Variants in IL1RAPL1 observed in about 807,000 individuals in gnomAD.
IL1RAPL1 encodes interleukin 1 receptor accessory protein like 1.
In IL1RAPL1, 3 loss-of-function variants were observed where a neutral mutation model predicts 48.4. That is an observed-to-expected ratio of 0.06 (90% CI 0.03 to 0.16). IL1RAPL1 has a LOEUF of 0.16. Among genes scored for constraint, IL1RAPL1 ranks in the 10% least tolerant of loss-of-function variants. IL1RAPL1 has a pLI of 1.00. For missense variants in IL1RAPL1, 349 were observed against 530.6 expected (o/e 0.66, Z 3.36); for synonymous variants, 185 against 187.7 (o/e 0.99, Z 0.12).
Position 28,972,455 on chromosome X carries a change from T to A in IL1RAPL1, c.82+183030T>A, listed in dbSNP as rs370123737. On this transcript the variant is annotated intron_variant, in intron 2 of 10. Coordinates refer to ENST00000378993, the MANE Select transcript of IL1RAPL1 (RefSeq NM_014271.4). ...GAACTAAAATTCAAAACATGTGCTG[T>A]GGGTCGGGCGCGGTGGCTCACGCCT... 8.9e-5 allele frequency among the ~76,000 whole-genome samples: 10 copies of A among 111,815 alleles called. No homozygotes were observed. In the East Asian group the frequency reaches 1.7e-3, roughly 19 times the overall value.
At chrX:28,783,305 G>A (rs1011982050) in intron 1 of IL1RAPL1, among the ~76,000 whole-genome samples, 6 of 112,004 alleles carry the variant, frequency 5.4e-5, no homozygotes, top group Non-Finnish European at 7.5e-5. Context: ...GCTGCGTATA[G>A]TATTCTTCAT....
intron 6 of IL1RAPL1, among the ~76,000 whole-genome samples, chrX:29,741,820 G>A (rs976339734): frequency 1.5e-4 from 16 of 106,408 alleles, no homozygotes; most frequent in African/African-American, 5.5e-4. Context: ...AGCTACTTGG[G>A]AGGCTGAGGC....
intron 2 of IL1RAPL1, among the ~76,000 whole-genome samples, chrX:28,961,176 T>C (rs191614944): frequency 9.0e-6 from 1 of 110,546 alleles, no homozygotes. Context: ...ATACAGAAAG[T>C]ACTTCTTGTA....
intron 3 of IL1RAPL1, among the ~76,000 whole-genome samples, chrX:29,324,464 G>T (rs759770530): frequency 7.2e-5 from 8 of 111,612 alleles, no homozygotes; most frequent in South Asian, 7.6e-4. Context: ...AGCAAGGCCT[G>T]TCTGTCCAGA....
intron 3 of IL1RAPL1, among the ~76,000 whole-genome samples, chrX:29,316,310 G>C (rs1363391726): frequency 4.5e-5 from 5 of 112,007 alleles, no homozygotes; most frequent in Non-Finnish European, 7.5e-5. Context: ...GAACATTTTA[G>C]GCAAAAGTGG....
chrX:29,748,367 A>G (rs1179083272), intron 6 of IL1RAPL1, among the ~76,000 whole-genome samples: 2 of 112,524 alleles, frequency 1.8e-5, no homozygotes, highest in Admixed American at 9.4e-5. Context: ...ACTCTAAGCC[A>G]ATAAAATGTA....
At chrX:29,613,712 CGT>C (rs753582133) in intron 5 of IL1RAPL1, among the ~76,000 whole-genome samples, 7,576 of 58,637 alleles carry the variant, frequency 0.13, 424 homozygotes, top group African/African-American at 0.18. Context: ...GGGTTTTTTT[CGT>C]GTGTGTGTGT....
At chrX:29,572,835 T>A (rs1382134078) in intron 5 of IL1RAPL1, among the ~76,000 whole-genome samples, 1 of 112,541 alleles carries the variant, frequency 8.9e-6, no homozygotes, top group African/African-American at 3.2e-5. Flanking sequence ...TATCAGTCTT[T>A]AAATTTTTCC....
chrX:29,502,794 T>C (rs780422147), intron 5 of IL1RAPL1, among the ~76,000 whole-genome samples: 1 of 111,983 alleles, frequency 8.9e-6, no homozygotes, highest in African/African-American at 3.2e-5. Context: ...GTCCTTGTCT[T>C]GTTTTTGTAT....
intron 2 of IL1RAPL1, among the ~76,000 whole-genome samples, chrX:29,202,962 C>T (rs1180432347): frequency 9.0e-6 from 1 of 111,125 alleles, no homozygotes; most frequent in Non-Finnish European, 1.9e-5. Flanking sequence ...CCATGACATG[C>T]AATTTACCTA....
At chrX:28,695,111 T>G (rs909306693) in intron 1 of IL1RAPL1, among the ~76,000 whole-genome samples, 1 of 111,945 alleles carries the variant, frequency 8.9e-6, no homozygotes, top group Non-Finnish European at 1.9e-5. Context: ...TTCCTGCTTA[T>G]AACACAAAAG....
intron 2 of IL1RAPL1, among the ~76,000 whole-genome samples, chrX:29,002,041 G>A (rs918622770): frequency 2.7e-5 from 3 of 109,159 alleles, no homozygotes; most frequent in African/African-American, 1.0e-4. Flanking sequence ...GATTACAGGT[G>A]CATGCCACTA....
intron 1 of IL1RAPL1, among the ~76,000 whole-genome samples, chrX:28,665,735 C>T (rs1323932139): frequency 1.8e-5 from 2 of 111,814 alleles, no homozygotes; most frequent in African/African-American, 6.5e-5. Context: ...AGGTGATCCA[C>T]CTGCCTAAGC....
chrX:28,955,315 G>T (rs1314510721), intron 2 of IL1RAPL1, among the ~76,000 whole-genome samples: 1 of 111,012 alleles, frequency 9.0e-6, no homozygotes, highest in East Asian at 2.8e-4. Flanking sequence ...TTGATAAGTT[G>T]TTTTTTCTTC....
chrX:28,967,311 A>C (rs190533217), intron 2 of IL1RAPL1, among the ~76,000 whole-genome samples: 1 of 111,330 alleles, frequency 9.0e-6, no homozygotes, highest in Admixed American at 9.6e-5. Context: ...AATCAGTTTC[A>C]TAAGTCTTAT....
intron 1 of IL1RAPL1, among the ~76,000 whole-genome samples, chrX:28,725,235 C>A (rs1257528198): frequency 1.8e-5 from 2 of 111,047 alleles, no homozygotes; most frequent in Non-Finnish European, 3.8e-5. Flanking sequence ...CAGGCATGAG[C>A]CACCATGCCT....
intron 1 of IL1RAPL1, among the ~76,000 whole-genome samples, chrX:28,712,999 G>T (rs1218268222): frequency 1.8e-5 from 2 of 111,316 alleles, no homozygotes; most frequent in Non-Finnish European, 3.8e-5. Context: ...TATGCCAAAA[G>T]ATAAAAAATT....
chrX:29,800,240 C>G (rs376547134), intron 6 of IL1RAPL1, among the ~76,000 whole-genome samples: 1 of 110,812 alleles, frequency 9.0e-6, no homozygotes, highest in Non-Finnish European at 1.9e-5. Flanking sequence ...GTTTCAGGTG[C>G]CTTGTGGTAA....
rs146206184 is a variant in IL1RAPL1 at position 29,817,570 on chromosome X, G to C, written c.779-99894G>C. Among the ~76,000 whole-genome samples the C allele has an allele frequency of 4.0e-4, 45 of 111,395 alleles. 1 individual carries two copies. The East Asian group carries it at 0.012, about 29-fold the overall frequency. On this transcript the variant is annotated intron_variant, in intron 6 of 10. Coordinates refer to ENST00000378993, the MANE Select transcript of IL1RAPL1 (RefSeq NM_014271.4). The stretch of plus-strand genomic sequence containing the variant: ...CACTTCTGCAATGATGTCTCTCTGG[G>C]AAACCCCATTTAACTTGAGTTACAA...
Sources: allele counts gnomAD v4.1 joint callset (sites outside exome capture counted in the v4.1 genomes callset), GRCh38; gene constraint gnomAD v4.1.1; transcripts MANE v1.5; gene names NCBI Gene and HGNC (gene_info 2026-07-23, HGNC 2026-07-21).